USP15: variants seen among roughly 807,000 people sequenced by gnomAD.
The protein encoded by USP15 is ubiquitin specific peptidase 15.
USP15 carries 18 observed loss-of-function variants against 127.1 expected under a neutral mutation model. The observed-to-expected ratio is 0.14, with a 90% confidence interval of 0.10 to 0.21. The LOEUF (loss-of-function observed/expected upper bound fraction) is 0.21. USP15 is among the 10% of genes least tolerant of loss of function. The pLI, the probability that USP15 is intolerant of heterozygous loss-of-function variation, is 1.00. For synonymous variants in USP15, 364 were observed against 393.7 expected, an observed-to-expected ratio of 0.92 and a Z score of 0.89; for missense variants, 805 against 1,159.9, an observed-to-expected ratio of 0.69 and a Z score of 4.44.
chr12:62,265,449 G>C (rs2063169472), intron 1 of USP15, among the ~76,000 whole-genome samples: 1 of 152,150 alleles, frequency 6.6e-6, no homozygotes, highest in South Asian at 2.1e-4. Context: ...GGCTCAAAAA[G>C]GTTTTCACAT....
At chr12:62,288,499 T>C (rs963716986) in intron 1 of USP15, among the ~76,000 whole-genome samples, 6 of 152,142 alleles carry the variant, frequency 3.9e-5, no homozygotes, top group African/African-American at 1.2e-4. Context: ...AAAGAAGTCT[T>C]CGTGGAATCT....
chr12:62,313,211 T>C (rs1231269997), intron 3 of USP15, among the ~76,000 whole-genome samples: 1 of 151,616 alleles, frequency 6.6e-6, no homozygotes, highest in Admixed American at 6.6e-5. Flanking sequence ...ATATTTTGTT[T>C]TCATAGATCT....
At chr12:62,281,775 C>T (rs989484081) in intron 1 of USP15, among the ~76,000 whole-genome samples, 1 of 152,080 alleles carries the variant, frequency 6.6e-6, no homozygotes. Context: ...GGGAAAGTCT[C>T]CTATCATAAT....
Position 62,314,779 on chromosome 12 carries a change from C to T in USP15, c.349-11C>T. ...TAGGTGACACTGATTTGTTTTGTTTCATTATTTTAGGTGGTTGAACAGGGT... is the reference window on the plus strand; with the variant it reads ...TAGGTGACACTGATTTGTTTTGTTTTATTATTTTAGGTGGTTGAACAGGGT... On this transcript the variant is annotated splice_polypyrimidine_tract_variant and intron_variant, in intron 3 of 21. Transcript: ENST00000280377. 6.5e-7 allele frequency: 1 copy of T among 1,536,902 alleles called. No individual in the cohort carries two copies. The highest frequency in any genetic ancestry group is 8.8e-7 in the Non-Finnish European group (1 of 1,140,532).
In USP15 at chr12:62,381,729, A is replaced by AG. The variant is rs776677567; in HGVS notation, c.1089+71dup. 4.0e-4 allele frequency: 598 copies of AG among 1,506,572 alleles called. 2 individuals carry two copies. The highest frequency in any genetic ancestry group is 5.1e-4 in the Non-Finnish European group (569 of 1,115,824). 93.3% of individuals were successfully genotyped at this position (1,506,572 alleles called of 1,614,324 possible). ...GGTACAAAAGTTGGTTCTTGGGGATAGGGGGAGTGAAAAATAGTAGCTATT... is the reference window on the plus strand; with the variant it reads ...GGTACAAAAGTTGGTTCTTGGGGATAGGGGGGAGTGAAAAATAGTAGCTATT... On this transcript the variant is annotated intron_variant, in intron 9 of 21. Transcript: ENST00000280377.
chr12:62,312,563 AG>A (rs1201437719), intron 3 of USP15, among the ~76,000 whole-genome samples: 2 of 151,702 alleles, frequency 1.3e-5, no homozygotes, highest in African/African-American at 4.8e-5. Flanking sequence ...ATTTTGGACA[AG>A]GAGCCAGATT....
intron 6 of USP15, among the ~76,000 whole-genome samples, chr12:62,329,910 A>G (rs2065238882): frequency 1.3e-5 from 2 of 152,216 alleles, no homozygotes; most frequent in Admixed American, 1.3e-4. Context: ...CCCAGCACTC[A>G]GAGGAATTTT....
Position 62,414,981 on chromosome 12 carries a change from TATATATC to T in USP15, c.*10613_*10619del, listed in dbSNP as rs1467923201. On this transcript the variant is annotated 3_prime_UTR_variant, in exon 22 of 22. Coordinates refer to ENST00000280377, the MANE Select transcript of USP15 (RefSeq NM_001252078.2). The stretch of plus-strand genomic sequence containing the variant: ...TATATACACATATCATGTATATACA[TATATATC>T]ATATATGTACATATATATATATATA... 6.7e-6 allele frequency: 1 copy of T among 150,048 alleles called. No homozygotes were observed. The highest frequency in any genetic ancestry group is 1.5e-5 in the Non-Finnish European group (1 of 67,388). The allele number at this position is 150,048 out of a possible 1,614,324, so 9.3% of individuals were successfully genotyped here.
At chr12:62,351,546 A>G (rs1361219697) in intron 7 of USP15, among the ~76,000 whole-genome samples, 2 of 151,968 alleles carry the variant, frequency 1.3e-5, no homozygotes, top group Admixed American at 6.6e-5. Flanking sequence ...CCATATTGGT[A>G]TGAGTGGTCT....
intron 20 of USP15, among the ~76,000 whole-genome samples, chr12:62,400,692 T>C (rs1041508363): frequency 6.6e-6 from 1 of 151,768 alleles, no homozygotes; most frequent in East Asian, 1.9e-4. Context: ...AATAATAAGT[T>C]GAAATTTCAA....
Position 62,389,947 on chromosome 12 carries a change from T to C in USP15, c.1803T>C (p.Asn601=). The C allele has an allele frequency of 6.2e-7, 1 of 1,612,606 alleles. No homozygotes were observed. Among genetic ancestry groups the C allele is most frequent in the Non-Finnish European group, 8.5e-7 (1 of 1,179,306 alleles). Residue 601 remains asparagine, a synonymous_variant, in exon 14 of 22, where the codon AAT becomes AAC. Transcript: ENST00000280377. ...QPFLMAVPRN[N]TEDKLYNLLL... The stretch of plus-strand genomic sequence containing the variant: ...TTCTTATGGCTGTACCACGAAACAA[T>C]ACTGAAGACAAACTTTATAATCTCC...
At chr12:62,311,524 G>T (rs2064678546) in intron 3 of USP15, among the ~76,000 whole-genome samples, 1 of 151,738 alleles carries the variant, frequency 6.6e-6, no homozygotes, top group African/African-American at 2.4e-5. Flanking sequence ...AATGGGGGTT[G>T]TTGTGTTCCG....
In USP15 at chr12:62,386,021, C is replaced by T. The variant is rs1308398072; in HGVS notation, c.1473+1719C>T. Among the ~76,000 whole-genome samples, 5 of 152,026 alleles carry T rather than the reference C, an allele frequency of 3.3e-5. No homozygotes were observed. In the East Asian group the frequency reaches 7.7e-4, roughly 23 times the overall value. ...GTCCATAAGGTATATGATAAGTGCT[C>T]TTCCATAAATTGGGCTCTAAATTAT... On this transcript the variant is annotated intron_variant, in intron 11 of 21. Coordinates refer to ENST00000280377, the MANE Select transcript of USP15 (RefSeq NM_001252078.2).
At chr12:62,390,091 C>G (rs2067274773) in intron 14 of USP15, 103 bp downstream of exon 14, 1 of 1,194,556 alleles carries the variant, frequency 8.4e-7, no homozygotes, top group Non-Finnish European at 1.1e-6. Flanking sequence ...TATAATTATT[C>G]AAGTCTGTAT....
Position 62,294,279 on chromosome 12 carries a change from C to T in USP15, c.190C>T (p.Pro64Ser). Residue 64 changes from proline (P) to serine (S), a missense_variant, in exon 2 of 22, where the codon CCC (proline) becomes TCC (serine). Pro to Ser is a moderately conservative substitution (Grantham distance 74). This residue lies in a region of USP15 where 69 missense variants were observed against 126.4 expected (regional missense o/e 0.55). Coordinates refer to ENST00000280377, the MANE Select transcript of USP15 (RefSeq NM_001252078.2). ...GGGAGATCAAAATGTGTATCCTGGA[C>T]CCATTGATAACTCTGGACTTCTCAA... is the stretch of plus-strand genomic sequence containing the variant. ...QMGDQNVYPG[P>S]IDNSGLLKDG... The T allele has an allele frequency of 1.2e-6, 2 of 1,612,784 alleles. No individual in the cohort carries two copies. Among genetic ancestry groups the T allele is most frequent in the Non-Finnish European group, 1.7e-6 (2 of 1,179,584 alleles).
chr12:62,278,121 G>C (rs2063544647), intron 1 of USP15, among the ~76,000 whole-genome samples: 1 of 151,952 alleles, frequency 6.6e-6, no homozygotes, highest in South Asian at 2.1e-4. Context: ...CGTAAACTAA[G>C]AGACAAACAC....
At chr12:62,292,755 A>G (rs1186220979) in intron 1 of USP15, among the ~76,000 whole-genome samples, 1 of 152,164 alleles carries the variant, frequency 6.6e-6, no homozygotes, top group African/African-American at 2.4e-5. Flanking sequence ...TGGAAAATGC[A>G]TGCTTTGGTT....
At position 62,296,055 on chromosome 12, in the gene USP15, G is replaced by C. The variant is rs776265408; in HGVS notation, c.217+1749G>C. Among the ~76,000 whole-genome samples, 4 of 152,314 alleles carry C rather than the reference G, an allele frequency of 2.6e-5. No homozygotes were observed. In the East Asian group the frequency reaches 7.7e-4, roughly 29 times the overall value. ...CATGAAAGAGGGTCAATATGTCATT[G>C]CTGGTTTGAAGTTGGAAGGAATCAT... On this transcript the variant is annotated intron_variant, in intron 2 of 21. Transcript: ENST00000280377.
rs566217839 is a variant in USP15 at position 62,273,641 on chromosome 12, TG to T, written c.89+13140del. 2.7e-4 allele frequency among the ~76,000 whole-genome samples: 41 copies of T among 152,230 alleles called. No homozygotes were observed. The South Asian group carries it at 7.7e-3, about 28-fold the overall frequency. ...AATAATCATGAAAACAAATTGAGAT[TG>T]GTATGACAAATTCATCCACAGTTTA... On this transcript the variant is annotated intron_variant, in intron 1 of 21. Transcript: ENST00000280377.
Sources: gnomAD v4.1 joint callset for allele counts (sites outside exome capture counted in the v4.1 genomes callset) on GRCh38, gnomAD v4.1.1 for gene constraint, gnomAD v4.1.1 regional missense constraint, MANE v1.5 for transcripts, NCBI Gene and HGNC (gene_info 2026-07-23, HGNC 2026-07-21) for gene names.